EYS: variants seen among roughly 807,000 people sequenced by gnomAD.
EYS encodes EGF-like photoreceptor maintenance factor.
Under a neutral mutation model 282.1 loss-of-function variants are expected in EYS, and 250 were observed. The ratio of observed to expected loss-of-function variants is 0.89; its 90% CI spans 0.80 to 0.98. The LOEUF (loss-of-function observed/expected upper bound fraction) is 0.98, where lower values mean the gene tolerates loss of function less well. Ranked by LOEUF, EYS falls within the 50% of genes least tolerant of loss-of-function variation. The probability of loss-of-function intolerance (pLI) is 0.00; values close to 1 mark genes in which losing one functional copy is unlikely to be tolerated. For missense variants in EYS, 4,016 were observed against 3,709.0 expected, an observed-to-expected ratio of 1.08 and a Z score of -2.15; for synonymous variants, 1,355 against 1,282.9, an observed-to-expected ratio of 1.06 and a Z score of -1.20.
intron 28 of EYS, among the ~76,000 whole-genome samples, chr6:64,421,026 C>T (rs1396854556): frequency 1.3e-5 from 2 of 152,162 alleles, no homozygotes; most frequent in Admixed American, 6.5e-5. Context: ...ACAGCAGCAC[C>T]TCACTCTCTG....
chr6:64,969,395 G>A (rs1770212711), intron 14 of EYS, among the ~76,000 whole-genome samples: 1 of 152,158 alleles, frequency 6.6e-6, no homozygotes, highest in Admixed American at 6.5e-5. Flanking sequence ...TCACAATAAT[G>A]TAATCAGATG....
intron 22 of EYS, among the ~76,000 whole-genome samples, chr6:64,684,592 A>AT (rs34639410): frequency 0.68 from 101,437 of 150,220 alleles, 35,166 homozygotes; most frequent in Non-Finnish European, 0.76. Flanking sequence ...TAGGAAAAAA[A>AT]ATATATAGAG....
intron 7 of EYS, among the ~76,000 whole-genome samples, chr6:65,395,479 A>G (rs1467845347): frequency 6.6e-6 from 1 of 152,172 alleles, no homozygotes; most frequent in Non-Finnish European, 1.5e-5. Context: ...GTGTGAAATG[A>G]TTATCCTTAG....
chr6:64,454,645 A>G (rs1244451239), intron 26 of EYS, among the ~76,000 whole-genome samples: 1 of 152,062 alleles, frequency 6.6e-6, no homozygotes, highest in Non-Finnish European at 1.5e-5. Flanking sequence ...TAATAAATCT[A>G]TATGTAGGGT....
At chr6:64,169,202 G>A (rs1047470673) in intron 31 of EYS, among the ~76,000 whole-genome samples, 14 of 152,078 alleles carry the variant, frequency 9.2e-5, no homozygotes, top group African/African-American at 2.4e-4. Flanking sequence ...ATAAATGAAC[G>A]AATGACATGA....
Position 64,669,178 on chromosome 6 carries a change from G to A in EYS, c.3444-42933C>T, listed in dbSNP as rs73438994. On this transcript the variant is annotated intron_variant, in intron 22 of 42. Transcript: ENST00000503581. ...ATAAGTAATTGATCCTTACCAAACA[G>A]GATTAAAAATAGTAGCAACTGTAAT... Among the ~76,000 whole-genome samples, 664 of 152,182 alleles carry A rather than the reference G, an allele frequency of 4.4e-3. 4 individuals carry two copies. The highest frequency in any genetic ancestry group is 0.015 in the African/African-American group (612 of 41,524).
At chr6:65,396,954 A>T (rs934117345) in intron 7 of EYS, among the ~76,000 whole-genome samples, 9 of 151,650 alleles carry the variant, frequency 5.9e-5, no homozygotes, top group Admixed American at 1.3e-4. Context: ...CTAAATATAA[A>T]CTATTTTGAA....
At chr6:65,077,154 C>A (rs556187447) in intron 12 of EYS, among the ~76,000 whole-genome samples, 1 of 152,008 alleles carries the variant, frequency 6.6e-6, no homozygotes, top group South Asian at 2.1e-4. Flanking sequence ...TGTACTGCTA[C>A]GAGACAGGAT....
At chr6:65,036,497 G>C (rs1772775993) in intron 13 of EYS, among the ~76,000 whole-genome samples, 1 of 151,276 alleles carries the variant, frequency 6.6e-6, no homozygotes, top group South Asian at 2.1e-4. Context: ...CTTAATTAAA[G>C]AGGAAACTTT....
intron 30 of EYS, among the ~76,000 whole-genome samples, chr6:64,247,134 A>T (rs1005626991): frequency 3.3e-5 from 5 of 152,214 alleles, no homozygotes; most frequent in Admixed American, 6.5e-5. Flanking sequence ...AATACTTCCA[A>T]ATTAACATAA....
intron 1 of EYS, among the ~76,000 whole-genome samples, chr6:65,645,316 C>A (rs1042998156): frequency 6.6e-5 from 10 of 152,106 alleles, no homozygotes; most frequent in Admixed American, 1.3e-4. Context: ...TTAAGAAAAT[C>A]AAAATTATAT....
chr6:64,021,092 A>G (rs1187437843), intron 33 of EYS, among the ~76,000 whole-genome samples: 6 of 152,076 alleles, frequency 3.9e-5, no homozygotes, highest in Non-Finnish European at 8.8e-5. Context: ...TAATTGAGAA[A>G]TGGTTCTCAC....
intron 1 of EYS, among the ~76,000 whole-genome samples, chr6:65,661,144 C>T (rs1562314954): frequency 6.6e-6 from 1 of 151,824 alleles, no homozygotes; most frequent in Admixed American, 6.6e-5. Context: ...GATGGTCTTC[C>T]TTACCAAAGG....
chr6:64,333,855 G>A (rs1221236080), intron 29 of EYS, among the ~76,000 whole-genome samples: 9 of 152,118 alleles, frequency 5.9e-5, no homozygotes, highest in Admixed American at 5.2e-4. Flanking sequence ...TAACAATTTC[G>A]GAGTTACTTC....
intron 12 of EYS, among the ~76,000 whole-genome samples, chr6:65,283,609 A>C (rs1270503542): frequency 6.6e-6 from 1 of 151,974 alleles, no homozygotes; most frequent in Non-Finnish European, 1.5e-5. Flanking sequence ...TTACTATGCC[A>C]ATAGTAAAAT....
At chr6:64,199,594 G>A (rs997823119) in intron 31 of EYS, among the ~76,000 whole-genome samples, 3 of 152,016 alleles carry the variant, frequency 2.0e-5, no homozygotes, top group Admixed American at 6.6e-5. Flanking sequence ...AATTAAACTA[G>A]AGAGCTTCTG....
chr6:65,414,308 G>T (rs1374189343), intron 5 of EYS, among the ~76,000 whole-genome samples: 1 of 152,116 alleles, frequency 6.6e-6, no homozygotes, highest in Non-Finnish European at 1.5e-5. Flanking sequence ...TCTATGGAAA[G>T]ATTATGGAGC....
At chr6:65,609,165 C>T (rs1765906282) in intron 2 of EYS, among the ~76,000 whole-genome samples, 1 of 151,830 alleles carries the variant, frequency 6.6e-6, no homozygotes, top group African/African-American at 2.4e-5. Context: ...ACCATCATCA[C>T]CACAAGCATG....
chr6:64,606,506 A>G (rs1324235865), intron 24 of EYS, among the ~76,000 whole-genome samples: 1 of 152,004 alleles, frequency 6.6e-6, no homozygotes, highest in Non-Finnish European at 1.5e-5. Context: ...ACCAACCCAA[A>G]CAGCCACAGT....
Sources: gnomAD v4.1 joint callset for allele counts (sites outside exome capture counted in the v4.1 genomes callset) on GRCh38, gnomAD v4.1.1 for gene constraint, MANE v1.5 for transcripts, NCBI Gene and HGNC (gene_info 2026-07-23, HGNC 2026-07-21) for gene names.